Variants in NPAS2 observed in about 807,000 individuals in gnomAD.
NPAS2 encodes neuronal PAS domain-containing protein 2.
In NPAS2, 23 loss-of-function variants were observed where a neutral mutation model predicts 107.5. The observed-to-expected ratio is 0.21, with a 90% CI of 0.15 to 0.30. The LOEUF is 0.30. NPAS2 is among the 10% of genes least tolerant of loss of function. The probability of loss-of-function intolerance (pLI) is 1.00; values close to 1 mark genes in which losing one functional copy is unlikely to be tolerated. For missense variants in NPAS2, 756 were observed against 1,043.3 expected (o/e 0.72, Z 3.79); for synonymous variants, 403 against 417.5 (o/e 0.97, Z 0.42).
intron 2 of NPAS2, among the ~76,000 whole-genome samples, chr2:100,905,989 TA>T (rs1028273486): frequency 6.6e-6 from 1 of 152,138 alleles, no homozygotes; most frequent in African/African-American, 2.4e-5. Flanking sequence ...ATATTTCCTT[TA>T]AAAAAATCAG....
At chr2:100,881,100 G>A (rs777449525) in intron 1 of NPAS2, among the ~76,000 whole-genome samples, 4 of 152,330 alleles carry the variant, frequency 2.6e-5, no homozygotes. Flanking sequence ...TTGGCCTAAG[G>A]TGTGGACTGG....
At chr2:100,827,055 T>C (rs971770546) in intron 1 of NPAS2, among the ~76,000 whole-genome samples, 2 of 152,194 alleles carry the variant, frequency 1.3e-5, no homozygotes, top group African/African-American at 4.8e-5. Context: ...AAGGGAAATA[T>C]TTGAAATAGA....
At chr2:100,918,475 G>A (rs747737674) in intron 2 of NPAS2, among the ~76,000 whole-genome samples, 25 of 152,124 alleles carry the variant, frequency 1.6e-4, no homozygotes, top group Non-Finnish European at 3.1e-4. Context: ...CTATAGTCGG[G>A]TAGAAAATAC....
chr2:100,931,551 ATCTTGGC>A (rs1164429448), intron 3 of NPAS2, among the ~76,000 whole-genome samples: 2 of 132,462 alleles, frequency 1.5e-5, no homozygotes, highest in Non-Finnish European at 3.0e-5. Flanking sequence ...TGGTGGTGCG[ATCTTGGC>A]TCACTGCAAG....
At chr2:100,937,186 C>T (rs1464634579) in intron 4 of NPAS2, among the ~76,000 whole-genome samples, 1 of 152,114 alleles carries the variant, frequency 6.6e-6, no homozygotes, top group African/African-American at 2.4e-5. Flanking sequence ...CCCACACCCA[C>T]CCAGCCCTGT....
chr2:100,944,469 G>A (rs546264528), intron 5 of NPAS2, among the ~76,000 whole-genome samples: 51 of 152,220 alleles, frequency 3.4e-4, no homozygotes, highest in African/African-American at 1.1e-3. Context: ...CTTCCCGATC[G>A]TGGGACTCGG....
chr2:100,843,984 A>T (rs7557936), intron 1 of NPAS2, among the ~76,000 whole-genome samples: 120,028 of 152,066 alleles, frequency 0.79, 48,163 homozygotes, highest in African/African-American at 0.92. Flanking sequence ...GATTAGATAC[A>T]CCAAGAAGAG....
chr2:100,949,597 A>C (rs1261206610), intron 7 of NPAS2, 117 bp downstream of exon 7: 1 of 645,970 alleles, frequency 1.5e-6, no homozygotes, highest in Non-Finnish European at 2.7e-6. Flanking sequence ...TCACATTTGC[A>C]TTTGAATTTT....
At chr2:100,917,764 G>T (rs78429068) in intron 2 of NPAS2, among the ~76,000 whole-genome samples, 1 of 152,078 alleles carries the variant, frequency 6.6e-6, no homozygotes, top group Non-Finnish European at 1.5e-5. Context: ...AAAGATGAAC[G>T]AGAAAACCTA....
chr2:100,905,760 G>C (rs1263260047), intron 2 of NPAS2, among the ~76,000 whole-genome samples: 1 of 152,180 alleles, frequency 6.6e-6, no homozygotes, highest in African/African-American at 2.4e-5. Flanking sequence ...CAGAGCTAAA[G>C]GGTTTGCCCA....
chr2:100,838,470 G>A (rs553807494), intron 1 of NPAS2, among the ~76,000 whole-genome samples: 1 of 151,992 alleles, frequency 6.6e-6, no homozygotes, highest in African/African-American at 2.4e-5. Flanking sequence ...TAGAGAAGAG[G>A]TTTCACCATG....
chr2:100,955,089 G>T (rs1189358657), intron 7 of NPAS2, among the ~76,000 whole-genome samples: 1 of 151,954 alleles, frequency 6.6e-6, no homozygotes, highest in Non-Finnish European at 1.5e-5. Context: ...TGTTTGCCAG[G>T]GTGGTCTCAA....
At chr2:100,875,075 A>G (rs1679869795) in intron 1 of NPAS2, among the ~76,000 whole-genome samples, 2 of 152,228 alleles carry the variant, frequency 1.3e-5, no homozygotes, top group South Asian at 4.1e-4. Flanking sequence ...CTCTATCCAT[A>G]CAATACAGTG....
chr2:100,841,510 G>A (rs536168242), intron 1 of NPAS2, among the ~76,000 whole-genome samples: 1 of 152,316 alleles, frequency 6.6e-6, no homozygotes, highest in African/African-American at 2.4e-5. Context: ...GAAAAATTTG[G>A]AGAAAGTGTT....
At chr2:100,893,415 C>T (rs1299488728) in intron 1 of NPAS2, among the ~76,000 whole-genome samples, 1 of 152,184 alleles carries the variant, frequency 6.6e-6, no homozygotes, top group Admixed American at 6.5e-5. Context: ...TGATTAAATT[C>T]TACCAGGCTT....
At chr2:100,831,733 A>G (rs1676751350) in intron 1 of NPAS2, among the ~76,000 whole-genome samples, 1 of 152,182 alleles carries the variant, frequency 6.6e-6, no homozygotes. Flanking sequence ...ATGATCTCTC[A>G]AGCAAAATAA....
At chr2:100,948,180 T>C (rs1014952333) in intron 5 of NPAS2, 55 bp from the exon 6 acceptor site, 3 of 1,590,726 alleles carry the variant, frequency 1.9e-6, no homozygotes, top group Admixed American at 1.9e-5. Flanking sequence ...TTGTTTTTGC[T>C]TCTGTTTTTC....
At chr2:100,900,082 A>G (rs1187504535) in intron 1 of NPAS2, among the ~76,000 whole-genome samples, 1 of 152,220 alleles carries the variant, frequency 6.6e-6, no homozygotes, top group East Asian at 1.9e-4. Context: ...CTAACCATAA[A>G]ATAAAAGGTT....
intron 3 of NPAS2, among the ~76,000 whole-genome samples, chr2:100,931,169 C>G (rs573893322): frequency 6.6e-6 from 1 of 152,302 alleles, no homozygotes; most frequent in Non-Finnish European, 1.5e-5. Context: ...CGACACTGGA[C>G]GTTTCCCCAC....
Sources: gnomAD v4.1 joint callset for allele counts (sites outside exome capture counted in the v4.1 genomes callset) on GRCh38, gnomAD v4.1.1 for gene constraint, MANE v1.5 for transcripts, NCBI Gene and HGNC (gene_info 2026-07-23, HGNC 2026-07-21) for gene names.